The following SPART variants were observed in gnomAD, a reference collection of about 807,000 sequenced individuals.
SPART encodes the protein spastic paraplegia 20 (Troyer syndrome).
Under a neutral mutation model 58.7 loss-of-function variants are expected in SPART, and 35 were observed. The ratio of observed to expected loss-of-function variants is 0.60; its 90% confidence interval spans 0.46 to 0.79. The LOEUF (loss-of-function observed/expected upper bound fraction) is 0.79. Among genes scored for constraint, SPART ranks in the 30% least tolerant of loss-of-function variants. SPART has a pLI of 0.00. For synonymous variants in SPART, 284 were observed against 280.7 expected (o/e 1.01, Z -0.12); for missense variants, 730 against 786.1 (o/e 0.93, Z 0.85).
At chr13:36,323,712 T>C (rs1279615815) in intron 5 of SPART, among the ~76,000 whole-genome samples, 1 of 152,178 alleles carries the variant, frequency 6.6e-6, no homozygotes, top group Non-Finnish European at 1.5e-5. Context: ...ACCATAAACA[T>C]TTGACGAACT....
At chr13:36,311,739 T>C (rs1001841001) in intron 8 of SPART, among the ~76,000 whole-genome samples, 3 of 152,228 alleles carry the variant, frequency 2.0e-5, no homozygotes, top group African/African-American at 7.2e-5. Flanking sequence ...AAAATTATTT[T>C]ATCAGATACT....
chr13:36,335,055 T>C lies in SPART; in HGVS notation c.776A>G (p.Asp259Gly), dbSNP rs1293303559. ...RIVRFLDNSL[D>G]TVLNRPPGFL... ...CCCGGGAGGACGGTTTAGAACCGTA[T>C]CGAGAGAATTATCCAAAAACCTCAC... is the stretch of plus-strand genomic sequence containing the variant. The change falls in exon 2 of 9, where the codon GAT (aspartate) becomes GGT (glycine). Residue 259 changes from aspartate (D) to glycine (G), a missense_variant. Asp to Gly is a moderately conservative substitution (Grantham distance 94). Transcript: ENST00000438666. 9.3e-6 allele frequency: 15 copies of C among 1,614,134 alleles called. No individual in the cohort carries two copies. Among genetic ancestry groups the C allele is most frequent in the Non-Finnish European group, 1.3e-5 (15 of 1,180,026 alleles).
rs1412491682 is a variant in SPART at position 36,302,884 on chromosome 13, T to G, written c.*1481A>C. The G allele has an allele frequency of 1.3e-5, 2 of 152,168 alleles. No homozygotes were observed. The highest frequency in any genetic ancestry group is 2.9e-5 in the Non-Finnish European group (2 of 68,014). 9.4% of individuals were successfully genotyped at this position (152,168 alleles called of 1,614,324 possible). On this transcript the variant is annotated 3_prime_UTR_variant, in exon 9 of 9. Transcript: ENST00000438666. ...CAACCTCACTTCCCTCCCCATCCCT[T>G]CAATGCCTCCCAGCCTCTGGTAACC...
At chr13:36,350,396 A>G (rs1411340990), upstream of SPART, among the ~76,000 whole-genome samples, 1 of 152,186 alleles carries the variant, frequency 6.6e-6, no homozygotes, top group Non-Finnish European at 1.5e-5. Flanking sequence ...CCATGTATTA[A>G]TATATCGATC....
upstream of SPART, among the ~76,000 whole-genome samples, chr13:36,347,164 A>ACAG (rs1885201057): frequency 4.6e-5 from 7 of 152,032 alleles, no homozygotes; most frequent in African/African-American, 1.7e-4. Flanking sequence ...AAACAGAAAA[A>ACAG]AGAAAAAGCA....
At chr13:36,350,245 G>T (rs2137688854), upstream of SPART, among the ~76,000 whole-genome samples, 1 of 152,250 alleles carries the variant, frequency 6.6e-6, no homozygotes, top group East Asian at 1.9e-4. Flanking sequence ...ACACATTCTG[G>T]CTTAGATCTC....
In SPART at chr13:36,312,162, TAC is replaced by T. The variant is rs746859539; in HGVS notation, c.1714_1715del (p.Val572ThrfsTer10). ...CAACTTACTTGTATCTGACAGTTTG[TAC>T]AGTTTCTGCTGAAACATTGTTAACG... ...CIVNNVSAET[V>X]QTVRYKYGYN... On this transcript the variant is annotated frameshift_variant, in exon 8 of 9. Coordinates refer to ENST00000438666, the MANE Select transcript of SPART (RefSeq NM_015087.5). LOFTEE classifies it high-confidence loss of function. 1 of 1,613,808 alleles carries T rather than the reference TAC, an allele frequency of 6.2e-7. No individual in the cohort carries two copies. The highest frequency in any genetic ancestry group is 1.7e-5 in the Admixed American group (1 of 60,034).
At chr13:36,327,345 GA>G (rs1883031602) in intron 4 of SPART, among the ~76,000 whole-genome samples, 1 of 152,002 alleles carries the variant, frequency 6.6e-6, no homozygotes, top group Non-Finnish European at 1.5e-5. Flanking sequence ...AAAATAACTT[GA>G]AAATCAAAGT....
At chr13:36,339,627 C>CAAAAAAAAAAAAAAAAAAA (rs71084420) in intron 1 of SPART, among the ~76,000 whole-genome samples, 4 of 38,806 alleles carry the variant, frequency 1.0e-4, no homozygotes, top group African/African-American at 1.2e-4. Context: ...ACGACTCCAT[C>CAAAAAAAAAAAAAAAAAAA]AAAAAAAAAA....
In SPART at chr13:36,307,842, T is replaced by A. The variant is rs569617822; in HGVS notation, c.1734-3210A>T. Among the ~76,000 whole-genome samples, 148 of 152,250 alleles carry A rather than the reference T, an allele frequency of 9.7e-4. 2 individuals carry two copies. The highest frequency in any genetic ancestry group is 3.4e-3 in the African/African-American group (143 of 41,592). On this transcript the variant is annotated intron_variant, in intron 8 of 8. Transcript: ENST00000438666. ...TATTTTTTATGCATTTAGCTAAAAA[T>A]TTTAAGAGTATAGTTATTTAATCCT...
chr13:36,354,880 T>C (rs992619949), intron 1 of SPART, among the ~76,000 whole-genome samples: 3 of 152,302 alleles, frequency 2.0e-5, no homozygotes, highest in Admixed American at 1.3e-4. Flanking sequence ...GAAAATAAAT[T>C]TCAGTTTTGG....
chr13:36,319,455 A>C (rs943210686), intron 5 of SPART, among the ~76,000 whole-genome samples: 4 of 151,830 alleles, frequency 2.6e-5, no homozygotes, highest in Middle Eastern at 3.4e-3. Flanking sequence ...AGCATGCTTT[A>C]AAAAGATTAA....
At chr13:36,343,208 T>C (rs1337510938) in intron 1 of SPART, among the ~76,000 whole-genome samples, 3 of 152,220 alleles carry the variant, frequency 2.0e-5, no homozygotes, top group East Asian at 3.9e-4. Context: ...GAATTAGTTA[T>C]AGGAAATTTT....
intron 1 of SPART, among the ~76,000 whole-genome samples, chr13:36,355,766 G>A (rs867511197): frequency 1.8e-4 from 27 of 152,204 alleles, no homozygotes; most frequent in African/African-American, 5.6e-4. Flanking sequence ...ATGATGGGAA[G>A]TGGGGGTCGA....
intron 1 of SPART, among the ~76,000 whole-genome samples, chr13:36,343,451 G>A (rs1369896410): frequency 1.3e-5 from 2 of 152,138 alleles, no homozygotes; most frequent in Non-Finnish European, 2.9e-5. Context: ...GAATACAGGT[G>A]AAAGAATGAT....
At chr13:36,330,274 C>T (rs1372811220) in intron 3 of SPART, among the ~76,000 whole-genome samples, 2 of 152,200 alleles carry the variant, frequency 1.3e-5, no homozygotes, top group East Asian at 3.9e-4. Context: ...ATATTCCTGC[C>T]TTTGTGAATT....
At chr13:36,307,579 C>A (rs1006590858) in intron 8 of SPART, among the ~76,000 whole-genome samples, 2 of 151,890 alleles carry the variant, frequency 1.3e-5, no homozygotes, top group African/African-American at 4.8e-5. Context: ...ATAGATCTAA[C>A]TATCAAAGCT....
At chr13:36,318,946 C>T (rs1346856126) in intron 5 of SPART, among the ~76,000 whole-genome samples, 1 of 152,162 alleles carries the variant, frequency 6.6e-6, no homozygotes, top group Non-Finnish European at 1.5e-5. Flanking sequence ...TCGGAAGCCC[C>T]CTAGACCATC....
At chr13:36,309,729 C>A (rs1334916351) in intron 8 of SPART, among the ~76,000 whole-genome samples, 3 of 151,902 alleles carry the variant, frequency 2.0e-5, no homozygotes, top group Non-Finnish European at 4.4e-5. Context: ...ATTACTAGGC[C>A]GGGGAGGGAG....
Sources: gnomAD v4.1 joint callset for allele counts (sites outside exome capture counted in the v4.1 genomes callset) on GRCh38, gnomAD v4.1.1 for gene constraint, MANE v1.5 for transcripts, NCBI Gene and HGNC (gene_info 2026-07-23, HGNC 2026-07-21) for gene names.